Variants in TTC28 observed in about 807,000 individuals in gnomAD.
TTC28 encodes the protein tetratricopeptide repeat domain 28.
Under a neutral mutation model 198.0 loss-of-function variants are expected in TTC28, and 61 were observed. The ratio of observed to expected loss-of-function variants is 0.31; its 90% CI spans 0.25 to 0.38. The LOEUF is 0.38. Among genes scored for constraint, TTC28 ranks in the 10% least tolerant of loss-of-function variants. The probability of loss-of-function intolerance (pLI) is 1.00; values close to 1 mark genes in which losing one functional copy is unlikely to be tolerated. For synonymous variants in TTC28, 1,171 were observed against 1,297.8 expected, an observed-to-expected ratio of 0.90 and a Z score of 2.10; for missense variants, 2,678 against 3,164.0, an observed-to-expected ratio of 0.85 and a Z score of 3.69.
chr22:28,395,755 AC>A (rs1295376340), intron 2 of TTC28, among the ~76,000 whole-genome samples: 1 of 152,230 alleles, frequency 6.6e-6, no homozygotes, highest in Non-Finnish European at 1.5e-5. Flanking sequence ...ATGCTGCTCA[AC>A]CTAATTATTT....
intron 5 of TTC28, among the ~76,000 whole-genome samples, chr22:28,291,893 A>G (rs2044794406): frequency 6.6e-6 from 1 of 152,194 alleles, no homozygotes; most frequent in African/African-American, 2.4e-5. Context: ...TATAAGTGGA[A>G]AAACATAAGT....
chr22:28,349,181 G>GCA (rs149420278), intron 2 of TTC28, among the ~76,000 whole-genome samples: 6 of 151,084 alleles, frequency 4.0e-5, no homozygotes, highest in Non-Finnish European at 7.4e-5. Flanking sequence ...GCATGTGCAC[G>GCA]CACACACACA....
At chr22:27,991,283 G>C (rs1363352851) in intron 19 of TTC28, among the ~76,000 whole-genome samples, 1 of 152,226 alleles carries the variant, frequency 6.6e-6, no homozygotes, top group Non-Finnish European at 1.5e-5. Flanking sequence ...TGGCCTCTCA[G>C]CACAGCCTTG....
At chr22:28,206,484 AG>A (rs1926414869) in intron 5 of TTC28, among the ~76,000 whole-genome samples, 1 of 152,182 alleles carries the variant, frequency 6.6e-6, no homozygotes, top group South Asian at 2.1e-4. Context: ...AAGTGTCCAG[AG>A]CCAGTTCAAG....
At chr22:28,584,091 T>C (rs549094848) in intron 2 of TTC28, among the ~76,000 whole-genome samples, 91 of 148,190 alleles carry the variant, frequency 6.1e-4, no homozygotes, top group African/African-American at 2.1e-3. Flanking sequence ...GCGATCCTCC[T>C]ACCTCAGCCT....
intron 2 of TTC28, among the ~76,000 whole-genome samples, chr22:28,523,034 T>C (rs2048938954): frequency 6.6e-6 from 1 of 152,188 alleles, no homozygotes; most frequent in Admixed American, 6.5e-5. Flanking sequence ...GTAGACGTTA[T>C]GGTATGTGAA....
At chr22:28,224,879 C>G (rs562473809) in intron 5 of TTC28, among the ~76,000 whole-genome samples, 1 of 152,062 alleles carries the variant, frequency 6.6e-6, no homozygotes, top group East Asian at 1.9e-4. Flanking sequence ...GATTCTTGAC[C>G]AGAATATGTT....
chr22:28,366,000 G>T (rs2046240446), intron 2 of TTC28, among the ~76,000 whole-genome samples: 1 of 152,164 alleles, frequency 6.6e-6, no homozygotes, highest in Admixed American at 6.5e-5. Flanking sequence ...ATTTGCACAT[G>T]GCTAAGTGCT....
chr22:28,319,344 T>A (rs1428997391), intron 2 of TTC28, among the ~76,000 whole-genome samples: 1 of 152,208 alleles, frequency 6.6e-6, no homozygotes, highest in Non-Finnish European at 1.5e-5. Flanking sequence ...CAATATTTCT[T>A]GAACTTTGCT....
chr22:28,414,460 G>A (rs1329587343), intron 2 of TTC28, among the ~76,000 whole-genome samples: 1 of 152,216 alleles, frequency 6.6e-6, no homozygotes. Context: ...TATCAACTGA[G>A]AAGTCAGTTC....
chr22:28,205,280 C>T (rs1926306200), intron 5 of TTC28, among the ~76,000 whole-genome samples: 1 of 151,952 alleles, frequency 6.6e-6, no homozygotes, highest in Non-Finnish European at 1.5e-5. Context: ...TTTACTTCTC[C>T]ATAGTAAAGT....
chr22:28,041,071 C>A (rs1009936825), intron 12 of TTC28, among the ~76,000 whole-genome samples: 5 of 151,986 alleles, frequency 3.3e-5, no homozygotes, highest in African/African-American at 4.8e-5. Context: ...TACTGGTCAA[C>A]AAAATAAAAG....
intron 17 of TTC28, 96 bp downstream of exon 17, chr22:27,996,039 C>T: frequency 6.8e-7 from 1 of 1,471,042 alleles, no homozygotes; most frequent in South Asian, 1.4e-5. Flanking sequence ...GTGTCCTCTC[C>T]AACTGCTCAC....
At chr22:28,148,986 A>T (rs1335336646) in intron 6 of TTC28, among the ~76,000 whole-genome samples, 2 of 152,240 alleles carry the variant, frequency 1.3e-5, no homozygotes, top group Non-Finnish European at 1.5e-5. Context: ...ATACACAGTA[A>T]TTAATGAGTC....
intron 5 of TTC28, among the ~76,000 whole-genome samples, chr22:28,189,691 C>G (rs138816223): frequency 6.6e-6 from 1 of 152,046 alleles, no homozygotes; most frequent in Non-Finnish European, 1.5e-5. Flanking sequence ...AAAAGACAAT[C>G]GATAAAATAC....
At chr22:27,992,458 T>G in intron 19 of TTC28, 129 bp downstream of exon 19, 1 of 962,038 alleles carries the variant, frequency 1.0e-6, no homozygotes, top group Non-Finnish European at 1.5e-6. Flanking sequence ...GGCCCTCACC[T>G]TCTCCTTTGA....
chr22:27,983,486 TA>T lies in TTC28; in HGVS notation c.6180del (p.Ile2061SerfsTer33). ...NKDEEEYEGF[S>X]IISNEPLATY... ...GTCGCCAAGGGCTCGTTACTGATGA[TA>T]GAAAACCCTTCATATTCTTCTTCAT... On this transcript the variant is annotated frameshift_variant, in exon 23 of 23. Transcript: ENST00000397906. LOFTEE classifies it low-confidence loss of function (END_TRUNC). 6.5e-7 allele frequency: 1 copy of T among 1,547,372 alleles called. No homozygotes were observed. Among genetic ancestry groups the T allele is most frequent in the Non-Finnish European group, 8.7e-7 (1 of 1,145,912 alleles).
intron 2 of TTC28, among the ~76,000 whole-genome samples, chr22:28,502,139 G>A (rs9306457): frequency 0.099 from 15,095 of 152,096 alleles, 852 homozygotes; most frequent in African/African-American, 0.12. Flanking sequence ...TAAAGCCTTG[G>A]AAATCTACCT....
chr22:28,648,344 T>C (rs1009520733), intron 1 of TTC28, among the ~76,000 whole-genome samples: 2 of 150,988 alleles, frequency 1.3e-5, no homozygotes, highest in African/African-American at 2.4e-5. Context: ...CAAAAAACAA[T>C]AGATGTTGAC....
Sources: allele counts gnomAD v4.1 joint callset (sites outside exome capture counted in the v4.1 genomes callset), GRCh38; gene constraint gnomAD v4.1.1; transcripts MANE v1.5; gene names NCBI Gene and HGNC (gene_info 2026-07-23, HGNC 2026-07-21).